The following MTAP variants were observed in gnomAD, a reference collection of about 807,000 sequenced individuals.
MTAP encodes methylthioadenosine phosphorylase.
MTAP carries 33 observed loss-of-function variants against 33.6 expected under a neutral mutation model. That is an observed-to-expected ratio of 0.98 (90% confidence interval 0.74 to 1.31). The LOEUF (loss-of-function observed/expected upper bound fraction) is 1.31, where lower values mean the gene tolerates loss of function less well. Among genes scored for constraint, MTAP ranks in the 40% most tolerant of loss-of-function variants. The pLI, the probability that MTAP is intolerant of heterozygous loss-of-function variation, is 0.00. For synonymous variants in MTAP, 148 were observed against 125.7 expected (o/e 1.18, Z -1.19); for missense variants, 367 against 360.0 (o/e 1.02, Z -0.16).
At chr9:21,897,991 G>C (rs952412480) in intron 1 of MTAP, among the ~76,000 whole-genome samples, 8 of 152,126 alleles carry the variant, frequency 5.3e-5, no homozygotes, top group Non-Finnish European at 1.0e-4. Context: ...ATACTACAAG[G>C]CTACAGTAAC....
intron 1 of MTAP, among the ~76,000 whole-genome samples, chr9:21,927,823 C>T (rs1288989927): frequency 6.6e-6 from 1 of 152,216 alleles, no homozygotes; most frequent in African/African-American, 2.4e-5. Context: ...TGGTGCTTCA[C>T]ACCCACATGG....
chr9:21,857,568 A>C (rs773773865), intron 6 of MTAP, among the ~76,000 whole-genome samples: 29 of 152,206 alleles, frequency 1.9e-4, no homozygotes, highest in Non-Finnish European at 3.8e-4. Context: ...ACTTTCTTCA[A>C]CTTTTTCTTA....
chr9:21,912,584 G>A (rs935167683), intron 1 of MTAP, among the ~76,000 whole-genome samples: 1 of 152,004 alleles, frequency 6.6e-6, no homozygotes, highest in Non-Finnish European at 1.5e-5. Context: ...ATTGAACAGC[G>A]CTTCATGCTA....
rs1164712097 is a variant in MTAP, at chr9:21,930,070, C to G, written c.148-938C>G. The G allele has an allele frequency of 8.9e-6, 4 of 447,294 alleles. No homozygotes were observed. In the East Asian group the frequency reaches 2.3e-4, roughly 26 times the overall value. 27.7% of individuals were successfully genotyped at this position (447,294 alleles called of 1,614,324 possible). A position where few individuals can be genotyped will look rare whatever the true frequency, so the allele number is the denominator to read the frequency against. ...CAAGCTCATGCAGTACTTGAAATTT[C>G]TAGTTCCAGCCTGATGATTATAACC... is the stretch of plus-strand genomic sequence containing the variant. On this transcript the variant is annotated intron_variant, in intron 1 of 1. Coordinates refer to the MTAP transcript ENST00000577563.
At chr9:21,905,786 C>A (rs1166166942) in intron 1 of MTAP, among the ~76,000 whole-genome samples, 1 of 152,124 alleles carries the variant, frequency 6.6e-6, no homozygotes, top group Non-Finnish European at 1.5e-5. Flanking sequence ...AAAATAAGGA[C>A]TCAGAATTGA....
At chr9:21,923,729 G>A (rs1236255243) in intron 1 of MTAP, among the ~76,000 whole-genome samples, 1 of 152,092 alleles carries the variant, frequency 6.6e-6, no homozygotes, top group Non-Finnish European at 1.5e-5. Context: ...CATATTTAAA[G>A]GGAGGGAAGT....
chr9:21,825,549 C>A (rs932411104), intron 4 of MTAP, among the ~76,000 whole-genome samples: 2 of 152,082 alleles, frequency 1.3e-5, no homozygotes, highest in Non-Finnish European at 2.9e-5. Context: ...TTGATAATGG[C>A]CATTGTGGCC....
intron 6 of MTAP, chr9:21,858,829 C>T (rs1356582167): frequency 6.6e-6 from 1 of 152,632 alleles, no homozygotes; most frequent in East Asian, 1.9e-4. Context: ...GGGGTTTAAA[C>T]GTAGAATAAA....
intron 1 of MTAP, among the ~76,000 whole-genome samples, chr9:21,915,585 G>A (rs1170153345): frequency 6.6e-6 from 1 of 151,920 alleles, no homozygotes; most frequent in African/African-American, 2.4e-5. Flanking sequence ...GGAATTACTG[G>A]GCTATATGGT....
At chr9:21,930,835 G>T in intron 1 of MTAP, 1 of 678,186 alleles carries the variant, frequency 1.5e-6, no homozygotes, top group Non-Finnish European at 2.6e-6. Context: ...CGAGCCTCCA[G>T]CTTACAAGAA....
chr9:21,819,921 T>G (rs1347850194), intron 4 of MTAP, among the ~76,000 whole-genome samples: 1 of 152,272 alleles, frequency 6.6e-6, no homozygotes, highest in African/African-American at 2.4e-5. Context: ...ATGTGTCTTT[T>G]GGCTGCATAA....
intron 5 of MTAP, among the ~76,000 whole-genome samples, chr9:21,850,373 ATT>A (rs1825482321): frequency 6.6e-6 from 1 of 152,196 alleles, no homozygotes; most frequent in Non-Finnish European, 1.5e-5. Context: ...GAGGCAACAC[ATT>A]CTTCATTTGA....
intron 1 of MTAP, among the ~76,000 whole-genome samples, chr9:21,927,914 G>A (rs10965186): frequency 0.18 from 28,047 of 152,244 alleles, 3,472 homozygotes; most frequent in East Asian, 0.49. Flanking sequence ...GCTACTAGAG[G>A]CTGTTCATTT....
intron 7 of MTAP, chr9:21,860,809 C>T (rs1251595311): frequency 2.6e-5 from 4 of 152,384 alleles, no homozygotes; most frequent in Admixed American, 1.3e-4. Flanking sequence ...GTGGCACGAT[C>T]TCAGCTCACT....
In MTAP at chr9:21,865,529, C is replaced by T. The variant is rs1825839892; in HGVS notation, c.*3515C>T. On this transcript the variant is annotated 3_prime_UTR_variant, in exon 8 of 8. Transcript: ENST00000644715. The stretch of plus-strand genomic sequence containing the variant: ...CAATGTATATATTGGCCCAGCAAGG[C>T]AAAGAACTGAAGTTCCAGGATGGAA... 1 of 985,560 alleles carries T rather than the reference C, an allele frequency of 1.0e-6. No homozygotes were observed. The highest frequency in any genetic ancestry group is 1.2e-6 in the Non-Finnish European group (1 of 829,950). 61.1% of individuals were successfully genotyped at this position (985,560 alleles called of 1,614,324 possible).
intron 4 of MTAP, among the ~76,000 whole-genome samples, chr9:21,833,779 G>A (rs1332175046): frequency 6.6e-6 from 1 of 152,174 alleles, no homozygotes; most frequent in East Asian, 1.9e-4. Flanking sequence ...TTTGCCCTCA[G>A]CTTGTTTGCA....
At chr9:21,890,596 C>T (rs1444252030) in intron 1 of MTAP, among the ~76,000 whole-genome samples, 3 of 152,162 alleles carry the variant, frequency 2.0e-5, no homozygotes, top group African/African-American at 7.2e-5. Context: ...GAAATGGCTT[C>T]CCTGGGGATC....
At chr9:21,925,823 G>A (rs1213219550) in intron 1 of MTAP, among the ~76,000 whole-genome samples, 5 of 152,196 alleles carry the variant, frequency 3.3e-5, no homozygotes, top group African/African-American at 4.8e-5. Context: ...GATGTGGCAG[G>A]TAGGACTATA....
At chr9:21,809,039 A>G (rs1206757189) in intron 1 of MTAP, 1 of 152,058 alleles carries the variant, frequency 6.6e-6, no homozygotes, top group Admixed American at 6.6e-5. Flanking sequence ...GGGAAAACCT[A>G]TTTCCTTGCC....
Sources: gnomAD v4.1 joint callset for allele counts (sites outside exome capture counted in the v4.1 genomes callset) on GRCh38, gnomAD v4.1.1 for gene constraint, MANE v1.5 for transcripts, NCBI Gene and HGNC (gene_info 2026-07-23, HGNC 2026-07-21) for gene names.